The following MAD1L1 variants were observed in gnomAD, a reference collection of about 807,000 sequenced individuals.
MAD1L1 encodes the protein mitotic spindle assembly checkpoint protein MAD1.
Under a neutral mutation model 96.9 loss-of-function variants are expected in MAD1L1, and 95 were observed. The observed-to-expected ratio is 0.98, with a 90% CI of 0.83 to 1.16. The LOEUF is 1.16. Among genes scored for constraint, MAD1L1 ranks in the 50% most tolerant of loss-of-function variants. The pLI, the probability that MAD1L1 is intolerant of heterozygous loss-of-function variation, is 0.00. For synonymous variants in MAD1L1, 473 were observed against 396.6 expected (o/e 1.19, Z -2.29); for missense variants, 1,007 against 954.4 (o/e 1.06, Z -0.73).
chr7:1,867,130 A>T (rs1784813138), intron 18 of MAD1L1, among the ~76,000 whole-genome samples: 1 of 152,222 alleles, frequency 6.6e-6, no homozygotes, highest in Admixed American at 6.5e-5. Flanking sequence ...AGTGGGAGAC[A>T]GAGGCAGGCA....
At chr7:2,202,235 G>C (rs1038738759) in intron 10 of MAD1L1, 1 of 152,408 alleles carries the variant, frequency 6.6e-6, no homozygotes, top group Non-Finnish European at 1.5e-5. Context: ...GAGAGGATGC[G>C]TTTACGGAAA....
rs866128218 is a variant in MAD1L1, at chr7:2,029,325, C to T, written c.1219-14683G>A. On this transcript the variant is annotated intron_variant, in intron 12 of 18. Coordinates refer to ENST00000265854, the MANE Select transcript of MAD1L1 (RefSeq NM_001013836.2). ...CAGAAACCAAACACGAAAGATTACA[C>T]GCTGCATGGCTCCATTTCACAACAT... Among the ~76,000 whole-genome samples, 7 of 152,132 alleles carry T rather than the reference C, an allele frequency of 4.6e-5. No homozygotes were observed. The East Asian group carries it at 1.2e-3, about 25-fold the overall frequency.
chr7:2,221,157 C>G (rs923197836), intron 5 of MAD1L1: 7 of 782,674 alleles, frequency 8.9e-6, no homozygotes, highest in African/African-American at 3.5e-5. Context: ...TATGCCCCAC[C>G]CCACCGGGCA....
At chr7:1,928,391 T>C (rs1789221698) in intron 17 of MAD1L1, among the ~76,000 whole-genome samples, 1 of 146,358 alleles carries the variant, frequency 6.8e-6, no homozygotes, top group African/African-American at 2.6e-5. Flanking sequence ...CACCAGTCCC[T>C]AGAGGAGCCC....
At chr7:1,838,873 G>C (rs1235525377) in intron 18 of MAD1L1, 2 of 471,166 alleles carry the variant, frequency 4.2e-6, no homozygotes, top group Non-Finnish European at 8.8e-6. Context: ...TGACAGGTAA[G>C]ACTACCTAAG....
intron 18 of MAD1L1, chr7:1,847,979 C>T (rs1783735400): frequency 5.7e-6 from 2 of 350,414 alleles, no homozygotes; most frequent in African/African-American, 4.3e-5. Context: ...GTCTCAGCCC[C>T]TGACCACACT....
chr7:2,116,264 C>T lies in MAD1L1; in HGVS notation c.1073+32888G>A, dbSNP rs59839531. Among the ~76,000 whole-genome samples the T allele has an allele frequency of 4.8e-3, 724 of 152,316 alleles. 5 individuals are homozygous for T. Among genetic ancestry groups the T allele is most frequent in the African/African-American group, 0.017 (690 of 41,550 alleles). On this transcript the variant is annotated intron_variant, in intron 11 of 18. Coordinates refer to ENST00000265854, the MANE Select transcript of MAD1L1 (RefSeq NM_001013836.2). Reference sequence around the variant, plus strand: ...TGCGTGGGTGCAGCTGGAGGGCAGGCGGCTGTGTGTGTGCCAAGTGCCGGG... The same window carrying T: ...TGCGTGGGTGCAGCTGGAGGGCAGGTGGCTGTGTGTGTGCCAAGTGCCGGG...
chr7:1,933,545 C>CT (rs1448754171), intron 17 of MAD1L1, among the ~76,000 whole-genome samples: 1 of 152,220 alleles, frequency 6.6e-6, no homozygotes, highest in Admixed American at 6.5e-5. Context: ...ACGCGCTGAG[C>CT]ATCCGCGTGG....
intron 11 of MAD1L1, among the ~76,000 whole-genome samples, chr7:2,089,459 C>T (rs1786095607): frequency 6.6e-6 from 1 of 152,218 alleles, no homozygotes. Flanking sequence ...CACCATGATT[C>T]GGAGCCCTCC....
intron 18 of MAD1L1, among the ~76,000 whole-genome samples, chr7:1,880,293 T>A (rs1785611632): frequency 6.6e-6 from 1 of 152,110 alleles, no homozygotes; most frequent in Non-Finnish European, 1.5e-5. Context: ...GCTGGGCAGA[T>A]GGGGCCACAG....
At chr7:1,845,541 ACGCGTCCGGCTCTGGTT>A (rs1783562612) in intron 18 of MAD1L1, 1 of 68,962 alleles carries the variant, frequency 1.5e-5, no homozygotes, top group Non-Finnish European at 3.1e-5. Flanking sequence ...CCACGCAGAC[ACGCGTCCGGCTCTGGTT>A]CACGGGGAAG....
intron 13 of MAD1L1, 152 bp downstream of exon 13, chr7:2,014,350 C>A (rs1396093726): frequency 2.1e-6 from 2 of 941,148 alleles, no homozygotes; most frequent in Non-Finnish European, 3.1e-6. Flanking sequence ...GCAGAGGAAG[C>A]AGCCCGTGGA....
chr7:2,161,220 C>A lies in MAD1L1; in HGVS notation c.987-11982G>T, dbSNP rs902266339. Among the ~76,000 whole-genome samples the A allele has an allele frequency of 2.7e-5, 4 of 146,430 alleles. No homozygotes were observed. In the South Asian group the frequency reaches 6.7e-4, roughly 24 times the overall value. ...GCAACCTCCCTGCCTGATTCTCCTG[C>A]CTCAGCCTGCTGAGTGCCTGAGATT... On this transcript the variant is annotated intron_variant, in intron 10 of 18. Transcript: ENST00000265854.
intron 12 of MAD1L1, among the ~76,000 whole-genome samples, chr7:2,048,936 C>G (rs972253701): frequency 2.0e-5 from 3 of 152,246 alleles, no homozygotes; most frequent in African/African-American, 7.2e-5. Flanking sequence ...CCATTTTCAT[C>G]AGGGTCCCAT....
chr7:1,926,443 A>G (rs1730727160), intron 17 of MAD1L1, among the ~76,000 whole-genome samples: 1 of 152,262 alleles, frequency 6.6e-6, no homozygotes, highest in South Asian at 2.1e-4. Context: ...GCTACAGACC[A>G]ATATGAACAC....
intron 18 of MAD1L1, chr7:1,848,354 C>T (rs1419439825): frequency 6.4e-6 from 1 of 155,078 alleles, no homozygotes; most frequent in Admixed American, 6.3e-5. Flanking sequence ...GACGGACAGC[C>T]CGGGGTCTCA....
chr7:2,088,628 C>T lies in MAD1L1; in HGVS notation c.1074-19290G>A, dbSNP rs890310888. Among the ~76,000 whole-genome samples the T allele has an allele frequency of 1.3e-5, 2 of 152,178 alleles. No homozygotes were observed. The highest frequency in any genetic ancestry group is 6.5e-5 in the Admixed American group (1 of 15,274). Reference sequence around the variant, plus strand: ...CCCAGCACTCAGCAGTGGCCATGAGCGAGAGGCAGCAAGGGGACGGGTGGA... The same window carrying T: ...CCCAGCACTCAGCAGTGGCCATGAGTGAGAGGCAGCAAGGGGACGGGTGGA... On this transcript the variant is annotated intron_variant, in intron 11 of 18. Transcript: ENST00000265854. This position sits in a 1 kb window ranked among gnomAD's most constrained non-coding sequence, Gnocchi z 4.4.
At chr7:2,079,539 C>T (rs7805774) in intron 11 of MAD1L1, among the ~76,000 whole-genome samples, 108,467 of 152,150 alleles carry the variant, frequency 0.71, 39,123 homozygotes, top group African/African-American at 0.79. Flanking sequence ...ATCTCGTCAA[C>T]TGGAATCACC....
chr7:2,024,696 G>A (rs531616063), intron 12 of MAD1L1, among the ~76,000 whole-genome samples: 8 of 152,190 alleles, frequency 5.3e-5, no homozygotes, highest in Non-Finnish European at 8.8e-5. Flanking sequence ...TCTCAGGCGG[G>A]TTTGTGGCTA....
Sources: gnomAD v4.1 joint callset for allele counts (sites outside exome capture counted in the v4.1 genomes callset) on GRCh38, gnomAD v4.1.1 for gene constraint, Gnocchi (gnomAD v3.1) non-coding constraint, MANE v1.5 for transcripts, NCBI Gene and HGNC (gene_info 2026-07-23, HGNC 2026-07-21) for gene names.